CMYA5: variants seen among roughly 807,000 people sequenced by gnomAD.
CMYA5 encodes cardiomyopathy-associated protein 5.
Under a neutral mutation model 318.9 loss-of-function variants are expected in CMYA5, and 246 were observed. The observed-to-expected ratio is 0.77, with a 90% CI of 0.70 to 0.86. CMYA5 has a LOEUF of 0.86. Among genes scored for constraint, CMYA5 ranks in the 40% least tolerant of loss-of-function variants. The pLI is 0.00. For missense variants in CMYA5, 4,589 were observed against 4,678.2 expected, an observed-to-expected ratio of 0.98 and a Z score of 0.56; for synonymous variants, 1,641 against 1,729.5, an observed-to-expected ratio of 0.95 and a Z score of 1.27.
Position 79,734,503 on chromosome 5 carries a change from C to A in CMYA5, c.5738C>A (p.Ser1913Tyr), listed in dbSNP as rs201492010. ...CAACACGAACAGAGAATAGCAGGAT[C>A]TGTGCAGCTGGATTCCTCTAGCAGC... ...ASQHEQRIAG[S>Y]VQLDSSSSNE... The change falls in exon 2 of 13, where the codon TCT (serine) becomes TAT (tyrosine). Residue 1913 changes from serine (S) to tyrosine (Y), a missense_variant. By Grantham distance (144) the Ser-to-Tyr change is moderately radical (BLOSUM62 -2). Coordinates refer to ENST00000446378, the MANE Select transcript of CMYA5 (RefSeq NM_153610.5). 191 of 1,613,614 alleles carry A rather than the reference C, an allele frequency of 1.2e-4. No homozygotes were observed. The highest frequency in any genetic ancestry group is 1.6e-4 in the Middle Eastern group (1 of 6,082).
intron 7 of CMYA5, among the ~76,000 whole-genome samples, chr5:79,760,092 T>G (rs994466502): frequency 2.0e-5 from 3 of 152,234 alleles, no homozygotes; most frequent in Non-Finnish European, 4.4e-5. Context: ...TGTCTCTGTG[T>G]GTGTTTTGTT....
intron 6 of CMYA5, among the ~76,000 whole-genome samples, chr5:79,756,400 T>C (rs1364219243): frequency 6.6e-6 from 1 of 152,234 alleles, no homozygotes; most frequent in African/African-American, 2.4e-5. Flanking sequence ...AAGGCCCCTT[T>C]GCTTTCTGAA....
chr5:79,743,562 C>A (rs543474318), intron 2 of CMYA5, among the ~76,000 whole-genome samples: 2 of 151,196 alleles, frequency 1.3e-5, no homozygotes, highest in African/African-American at 4.8e-5. Flanking sequence ...ATCAGTTTAT[C>A]AAGAAAGTCC....
chr5:79,749,665 A>G (rs540713188), intron 5 of CMYA5, among the ~76,000 whole-genome samples: 36 of 152,330 alleles, frequency 2.4e-4, no homozygotes, highest in Non-Finnish European at 4.3e-4. Context: ...ACACAAATCT[A>G]TTATAAAAAT....
chr5:79,739,665 A>C (rs536403313), intron 2 of CMYA5, among the ~76,000 whole-genome samples: 2 of 149,916 alleles, frequency 1.3e-5, no homozygotes, highest in Non-Finnish European at 3.0e-5. Flanking sequence ...ATCCAGGAAA[A>C]ACACACACAC....
In CMYA5 at chr5:79,718,022, A is replaced by G. The variant is rs796670438; in HGVS notation, c.150-10893A>G. 9.8e-5 allele frequency among the ~76,000 whole-genome samples: 10 copies of G among 101,684 alleles called. 3 individuals carry two copies. The highest frequency in any genetic ancestry group is 1.3e-4 in the Non-Finnish European group (7 of 53,384). The allele number at this position is 101,684 out of a possible 152,430, so 66.7% of individuals were successfully genotyped here. On this transcript the variant is annotated intron_variant, in intron 1 of 12. Transcript: ENST00000446378. ...TCCTGCCTCAGCCTCCCAAGTAGCT[A>G]GGACTACAGGCACCCGCCACTACGC...
In CMYA5 at chr5:79,734,275, C is replaced by G. The variant is rs1561209830; in HGVS notation, c.5510C>G (p.Pro1837Arg). 6.2e-7 allele frequency: 1 copy of G among 1,613,388 alleles called. No homozygotes were observed. Among genetic ancestry groups the G allele is most frequent in the East Asian group, 2.2e-5 (1 of 44,872 alleles). ...ALHSDQTVKL[P>R]DVSTSSEDKQ... ...CATTCAGATCAAACTGTTAAATTAC[C>G]TGATGTAAGCACCTCTTCTGAAGAT... is the stretch of plus-strand genomic sequence containing the variant. The change falls in exon 2 of 13, where the codon CCT becomes CGT. Residue 1837 changes from proline (P) to arginine (R), a missense_variant. Physicochemically the swap from Pro to Arg is moderately radical, Grantham distance 103 (BLOSUM62 -2). Around this residue, in one of 3 missense-constraint regions of CMYA5, gnomAD observed 2,132 missense variants for 2,131.3 expected, o/e 1.00. Coordinates refer to ENST00000446378, the MANE Select transcript of CMYA5 (RefSeq NM_153610.5).
rs749881240 is a variant in CMYA5, at chr5:79,738,912, G to A, written c.10147G>A (p.Glu3383Lys). Residue 3383 changes from glutamate (E) to lysine (K), a missense_variant, in exon 2 of 13, where the codon GAA becomes AAA. Transcript: ENST00000446378. The stretch of plus-strand genomic sequence containing the variant: ...AGTACAAGTGTCCTTCCCGGAGGAA[G>A]AATTTGCATCTGGTGCAACTCATGT... Reference protein sequence around the residue: ...VPVQVSFPEEEFASGATHVQE... With the variant: ...VPVQVSFPEEKFASGATHVQE... 3 of 1,613,822 alleles carry A rather than the reference G, an allele frequency of 1.9e-6. No homozygotes were observed. In the East Asian group the frequency reaches 6.7e-5, roughly 36 times the overall value.
intron 12 of CMYA5, among the ~76,000 whole-genome samples, chr5:79,798,747 GT>G (rs1357084574): frequency 6.6e-6 from 1 of 152,176 alleles, no homozygotes; most frequent in Non-Finnish European, 1.5e-5. Flanking sequence ...AGGAATAGTT[GT>G]TGAGTTGAAT....
At chr5:79,747,240 A>T in intron 5 of CMYA5, 127 bp downstream of exon 5, 1 of 766,200 alleles carries the variant, frequency 1.3e-6, no homozygotes, top group South Asian at 2.6e-5. Flanking sequence ...CAGTATTTTC[A>T]CTTTTAGACA....
intron 1 of CMYA5, among the ~76,000 whole-genome samples, chr5:79,699,579 C>A (rs1293276400): frequency 3.9e-5 from 6 of 152,104 alleles, no homozygotes; most frequent in Non-Finnish European, 7.4e-5. Context: ...GAAGTGGGTG[C>A]CTAGAAGAGG....
In CMYA5 at chr5:79,690,069, TCTCTC is replaced by T; in HGVS notation, c.149+17_149+21del. The stretch of plus-strand genomic sequence containing the variant: ...AGCCGGACTCCAGGTAGCGCGAGCC[TCTCTC>T]CTCGGCCCAGGGCCTGCAGGGCAGC... On this transcript the variant is annotated intron_variant, in intron 1 of 12. Transcript: ENST00000446378. The T allele has an allele frequency of 7.0e-7, 1 of 1,429,086 alleles. No individual in the cohort carries two copies. Among genetic ancestry groups the T allele is most frequent in the Non-Finnish European group, 9.2e-7 (1 of 1,087,936 alleles). The allele number at this position is 1,429,086 out of a possible 1,614,324, so 88.5% of individuals were successfully genotyped here.
At chr5:79,761,688 T>C in intron 7 of CMYA5, 123 bp from the exon 8 acceptor site, 1 of 967,712 alleles carries the variant, frequency 1.0e-6, no homozygotes, top group South Asian at 1.9e-5. Flanking sequence ...CACATAATGG[T>C]ATCTGTAAGG....
chr5:79,731,650 C>T lies in CMYA5; in HGVS notation c.2885C>T (p.Thr962Ile). ...VSEFSFPPYA[T>I]QEAEKREFEC... is the part of the protein sequence containing the mutation. The stretch of plus-strand genomic sequence containing the variant: ...GAATTCTCATTTCCACCGTATGCAA[C>T]CCAGGAAGCAGAGAAAAGAGAATTT... Residue 962 changes from threonine (T) to isoleucine (I), a missense_variant, in exon 2 of 13, where the codon ACC becomes ATC. By Grantham distance (89) the Thr-to-Ile change is moderately conservative. Around this residue, in one of 3 missense-constraint regions of CMYA5, gnomAD observed 2,132 missense variants for 2,131.3 expected, o/e 1.00. Transcript: ENST00000446378. 6.2e-7 allele frequency: 1 copy of T among 1,613,882 alleles called. No individual in the cohort carries two copies. The highest frequency in any genetic ancestry group is 8.5e-7 in the Non-Finnish European group (1 of 1,179,828).
intron 6 of CMYA5, among the ~76,000 whole-genome samples, chr5:79,754,485 T>C (rs974140278): frequency 2.0e-5 from 3 of 152,108 alleles, no homozygotes; most frequent in African/African-American, 7.2e-5. Context: ...AGAAAAATGT[T>C]CTATTTTCAA....
At chr5:79,773,114 T>C (rs1472059896) in intron 9 of CMYA5, among the ~76,000 whole-genome samples, 1 of 152,196 alleles carries the variant, frequency 6.6e-6, no homozygotes, top group Non-Finnish European at 1.5e-5. Flanking sequence ...CAAGATTTGT[T>C]TGATCTCACT....
chr5:79,795,996 G>A (rs560994118), intron 12 of CMYA5, among the ~76,000 whole-genome samples: 5 of 152,296 alleles, frequency 3.3e-5, no homozygotes, highest in Non-Finnish European at 5.9e-5. Flanking sequence ...ATGTGTGCTC[G>A]GCCAGAAATG....
intron 1 of CMYA5, among the ~76,000 whole-genome samples, chr5:79,709,222 G>A (rs1011943706): frequency 2.0e-5 from 3 of 152,006 alleles, no homozygotes; most frequent in African/African-American, 7.3e-5. Flanking sequence ...CTGTCAATAT[G>A]TGTAAAAAGC....
rs746462149 is a variant in CMYA5 at position 79,733,330 on chromosome 5, T to C, written c.4565T>C (p.Val1522Ala). The change falls in exon 2 of 13, where the codon GTG (valine) becomes GCG (alanine). Residue 1522 changes from valine to alanine, a missense_variant. Val to Ala is a moderately conservative substitution (Grantham distance 64). This residue lies in a region of CMYA5 where 2,132 missense variants were observed against 2,131.3 expected (regional missense o/e 1.00). Transcript: ENST00000446378. ...AAGAGCTTGATGTCTACCTCAGAGG[T>C]GTTAGAGCCTGAACATGAGCTTCCA... ...QKKSLMSTSE[V>A]LEPEHELPLS... is the part of the protein sequence containing the mutation. 1.2e-6 allele frequency: 2 copies of C among 1,613,576 alleles called. No homozygotes were observed. The highest frequency in any genetic ancestry group is 8.5e-7 in the Non-Finnish European group (1 of 1,179,796).
Sources: gnomAD v4.1 joint callset for allele counts (sites outside exome capture counted in the v4.1 genomes callset) on GRCh38, gnomAD v4.1.1 for gene constraint, gnomAD v4.1.1 regional missense constraint, MANE v1.5 for transcripts, NCBI Gene and HGNC (gene_info 2026-07-23, HGNC 2026-07-21) for gene names.